The following SLC35F4 variants were observed in gnomAD, a reference collection of about 807,000 sequenced individuals.
SLC35F4 encodes the protein chromosome 14 open reading frame 36.
A neutral mutation model predicts 44.2 loss-of-function variants in SLC35F4; 24 were observed. That is an observed-to-expected ratio of 0.54 (90% confidence interval 0.39 to 0.76). SLC35F4 has a LOEUF of 0.76. Among genes scored for constraint, SLC35F4 ranks in the 30% least tolerant of loss-of-function variants. The probability of loss-of-function intolerance (pLI) is 0.00; values close to 1 mark genes in which losing one functional copy is unlikely to be tolerated. For missense variants in SLC35F4, 562 were observed against 586.1 expected (o/e 0.96, Z 0.42); for synonymous variants, 238 against 223.6 (o/e 1.06, Z -0.57).
Position 57,805,003 on chromosome 14 carries a change from A to G in SLC35F4, c.103+60720T>C, listed in dbSNP as rs548432808. Among the ~76,000 whole-genome samples, 5 of 152,366 alleles carry G rather than the reference A, an allele frequency of 3.3e-5. No homozygotes were observed. In the East Asian group the frequency reaches 9.6e-4, roughly 29 times the overall value. On this transcript the variant is annotated intron_variant, in intron 1 of 7. Coordinates refer to ENST00000556826, the MANE Select transcript of SLC35F4 (RefSeq NM_001306087.2). ...CTCAAAAGAAGACATACAGGTGGCC[A>G]ACAAACATATGAAAAAAAGCTCAAC...
At position 57,796,804 on chromosome 14, in the gene SLC35F4, T is replaced by A. The variant is rs370178642; in HGVS notation, c.103+68919A>T. 7.9e-5 allele frequency among the ~76,000 whole-genome samples: 12 copies of A among 152,240 alleles called. No homozygotes were observed. In the East Asian group the frequency reaches 1.9e-3, roughly 25 times the overall value. The stretch of plus-strand genomic sequence containing the variant: ...CTAAGGAGTTCACATGAGCACACAC[T>A]TGCACACAAACACACATACACACAA... On this transcript the variant is annotated intron_variant, in intron 1 of 7. Transcript: ENST00000556826.
chr14:57,748,553 T>C (rs942471469), intron 1 of SLC35F4, among the ~76,000 whole-genome samples: 1 of 152,152 alleles, frequency 6.6e-6, no homozygotes, highest in Non-Finnish European at 1.5e-5. Flanking sequence ...TGCCAAAGAC[T>C]GGATCTGGAA....
At chr14:57,596,640 G>C (rs1257019554) in intron 1 of SLC35F4, 1 of 554,150 alleles carries the variant, frequency 1.8e-6, no homozygotes, top group Non-Finnish European at 3.5e-6. Flanking sequence ...AAATAGGCTG[G>C]GTAGCAAGTT....
At position 57,641,630 on chromosome 14, in the gene SLC35F4, C is replaced by T. The variant is rs139863875; in HGVS notation, c.104-47506G>A. Among the ~76,000 whole-genome samples, 441 of 151,984 alleles carry T rather than the reference C, an allele frequency of 2.9e-3. 4 individuals carry two copies. Among genetic ancestry groups the T allele is most frequent in the Middle Eastern group, 0.017 (5 of 294 alleles). On this transcript the variant is annotated intron_variant, in intron 1 of 7. Coordinates refer to ENST00000556826, the MANE Select transcript of SLC35F4 (RefSeq NM_001306087.2). ...CTAGAAAATGATTCATGCTGTAATG[C>T]TTTTAAATGACAATGTTTCATAGTA...
In SLC35F4 at chr14:57,958,740, G is replaced by A. The variant is rs73304496; in HGVS notation, n.282+23173C>T. Among the ~76,000 whole-genome samples, 1,122 of 152,242 alleles carry A rather than the reference G, an allele frequency of 7.4e-3. 13 individuals are homozygous for A. The highest frequency in any genetic ancestry group is 0.025 in the African/African-American group (1,059 of 41,534). ...ATTTTAAAAACTGGCAATACCAAGC[G>A]CTGAGTAGGATGTGGAAGACTTAGA... On this transcript the variant is annotated intron_variant and non_coding_transcript_variant, in intron 1 of 1. Coordinates refer to the SLC35F4 transcript ENST00000556568.
intron 1 of SLC35F4, among the ~76,000 whole-genome samples, chr14:57,769,664 A>T (rs925109243): frequency 9.8e-5 from 15 of 152,334 alleles, no homozygotes; most frequent in African/African-American, 3.4e-4. Context: ...AGAAAAACTT[A>T]GTCAGTGCTA....
intron 1 of SLC35F4, among the ~76,000 whole-genome samples, chr14:57,628,164 C>T (rs1273685437): frequency 6.6e-6 from 1 of 151,732 alleles, no homozygotes; most frequent in African/African-American, 2.4e-5. Flanking sequence ...AGATAAAGAG[C>T]TCCTATCAGA....
At chr14:57,938,094 A>G (rs1889848986) in intron 1 of SLC35F4, among the ~76,000 whole-genome samples, 1 of 152,136 alleles carries the variant, frequency 6.6e-6, no homozygotes, top group Non-Finnish European at 1.5e-5. Flanking sequence ...AGATTGCCCA[A>G]TATTCAGTCT....
chr14:57,793,985 G>A (rs2077992161), intron 1 of SLC35F4, among the ~76,000 whole-genome samples: 2 of 152,116 alleles, frequency 1.3e-5, no homozygotes, highest in South Asian at 2.1e-4. Context: ...TCAATAAATG[G>A]TGCTGGGAAA....
chr14:57,643,493 G>A (rs569741010), intron 1 of SLC35F4, among the ~76,000 whole-genome samples: 7 of 152,150 alleles, frequency 4.6e-5, no homozygotes, highest in South Asian at 2.1e-4. Flanking sequence ...ATTATCACCC[G>A]ATTTACAGGT....
chr14:57,910,880 A>G (rs1368152687), intron 1 of SLC35F4, among the ~76,000 whole-genome samples: 1 of 152,022 alleles, frequency 6.6e-6, no homozygotes, highest in East Asian at 1.9e-4. Flanking sequence ...ACATTATAAC[A>G]ATACTGAGTC....
At chr14:57,975,654 T>A (rs1253312985), downstream of SLC35F4, among the ~76,000 whole-genome samples, 1 of 152,174 alleles carries the variant, frequency 6.6e-6, no homozygotes, top group African/African-American at 2.4e-5. Flanking sequence ...ACCCACCAAA[T>A]GAATGTAATC....
rs552912914 is a variant in SLC35F4, at chr14:57,835,506, T to C, written c.103+30217A>G. Among the ~76,000 whole-genome samples, 9 of 152,298 alleles carry C rather than the reference T, an allele frequency of 5.9e-5. No individual in the cohort carries two copies. In the South Asian group the frequency reaches 1.9e-3, roughly 32 times the overall value. Reference sequence around the variant, plus strand: ...TGACTGATTTGCTTTTCACATCCTCTCCCTTCTTTTGCTCTTTCTCATTGT... The same window carrying C: ...TGACTGATTTGCTTTTCACATCCTCCCCCTTCTTTTGCTCTTTCTCATTGT... On this transcript the variant is annotated intron_variant, in intron 1 of 7. Coordinates refer to ENST00000556826, the MANE Select transcript of SLC35F4 (RefSeq NM_001306087.2).
intron 1 of SLC35F4, among the ~76,000 whole-genome samples, chr14:57,682,400 A>G (rs757113379): frequency 6.6e-6 from 1 of 152,204 alleles, no homozygotes; most frequent in Non-Finnish European, 1.5e-5. Context: ...AAGAATAGAA[A>G]ACCAAACACT....
intron 1 of SLC35F4, among the ~76,000 whole-genome samples, chr14:57,978,531 TCTAACAGAATGGTATA>T (rs1881283642): frequency 6.6e-6 from 1 of 152,182 alleles, no homozygotes; most frequent in African/African-American, 2.4e-5. Context: ...CTTAACGTCA[TCTAACAGAATGGTATA>T]CATGGCTTGT....
chr14:57,968,655 G>A (rs1489361590), intron 1 of SLC35F4, among the ~76,000 whole-genome samples: 1 of 152,158 alleles, frequency 6.6e-6, no homozygotes, highest in Non-Finnish European at 1.5e-5. Context: ...CCTAGACTTG[G>A]TGAATCAGAA....
chr14:57,949,046 T>G (rs1040679748), intron 1 of SLC35F4, among the ~76,000 whole-genome samples: 4 of 152,170 alleles, frequency 2.6e-5, no homozygotes, highest in African/African-American at 7.2e-5. Flanking sequence ...TAAGTCCATT[T>G]TTTCCAGGGT....
chr14:57,596,044 T>A (rs1006151599), intron 1 of SLC35F4: 6 of 152,248 alleles, frequency 3.9e-5, no homozygotes, highest in African/African-American at 1.4e-4. Flanking sequence ...GTAAAATAAC[T>A]AAGATCATAA....
intron 1 of SLC35F4, among the ~76,000 whole-genome samples, chr14:57,758,357 C>T (rs1283985308): frequency 1.3e-5 from 2 of 151,606 alleles, no homozygotes; most frequent in East Asian, 3.9e-4. Context: ...TTATTTTTTT[C>T]TTAGTCTTTT....
Sources: gnomAD v4.1 joint callset for allele counts (sites outside exome capture counted in the v4.1 genomes callset) on GRCh38, gnomAD v4.1.1 for gene constraint, MANE v1.5 for transcripts, NCBI Gene and HGNC (gene_info 2026-07-23, HGNC 2026-07-21) for gene names.